The following SPRED2 variants were observed in gnomAD, a reference collection of about 807,000 sequenced individuals.
The protein encoded by SPRED2 is sprouty related EVH1 domain containing 2.
A neutral mutation model predicts 43.0 loss-of-function variants in SPRED2; 47 were observed. The ratio of observed to expected loss-of-function variants is 1.09; its 90% CI spans 0.87 to 1.40. The LOEUF is 1.40. Among genes scored for constraint, SPRED2 ranks in the 40% most tolerant of loss-of-function variants. The pLI, the probability that SPRED2 is intolerant of heterozygous loss-of-function variation, is 0.00. For missense variants in SPRED2, 561 were observed against 586.4 expected, an observed-to-expected ratio of 0.96 and a Z score of 0.45; for synonymous variants, 225 against 225.7, an observed-to-expected ratio of 1.00 and a Z score of 0.03.
intron 1 of SPRED2, among the ~76,000 whole-genome samples, chr2:65,394,562 T>C (rs1408677119): frequency 2.0e-5 from 3 of 152,232 alleles, no homozygotes; most frequent in African/African-American, 7.2e-5. Context: ...ATCGGACCAC[T>C]GGAACTTAGA....
At chr2:65,374,356 C>G (rs1675191001) in intron 1 of SPRED2, among the ~76,000 whole-genome samples, 1 of 152,196 alleles carries the variant, frequency 6.6e-6, no homozygotes, top group Admixed American at 6.5e-5. Flanking sequence ...AGCTGTTGAT[C>G]AAGTTCCTTG....
chr2:65,415,046 C>T (rs886664553), intron 1 of SPRED2, among the ~76,000 whole-genome samples: 23 of 152,222 alleles, frequency 1.5e-4, no homozygotes, highest in African/African-American at 5.5e-4. Context: ...CTTAGCTTCC[C>T]AAACTATTGG....
At chr2:65,418,914 T>A (rs1676353715) in intron 1 of SPRED2, among the ~76,000 whole-genome samples, 1 of 152,124 alleles carries the variant, frequency 6.6e-6, no homozygotes, top group South Asian at 2.1e-4. Context: ...TAAGTAAGAA[T>A]AAAAGTCTTT....
In SPRED2 at chr2:65,380,634, A is replaced by T. The variant is rs77812497; in HGVS notation, c.27-35738T>A. 77 of 152,342 alleles carry T rather than the reference A, an allele frequency of 5.1e-4. 1 individual carries two copies. In the East Asian group the frequency reaches 0.013, roughly 26 times the overall value. The allele number at this position is 152,342 out of a possible 1,614,324, so 9.4% of individuals were successfully genotyped here. On this transcript the variant is annotated intron_variant, in intron 1 of 5. Coordinates refer to ENST00000356388, the MANE Select transcript of SPRED2 (RefSeq NM_181784.3). ...ACAAGATAAATACTTACTAGTGCCA[A>T]GTATGGCCCCCACTTTCTCTCTTTT...
chr2:65,388,661 G>C (rs1481277438), intron 1 of SPRED2, among the ~76,000 whole-genome samples: 1 of 151,988 alleles, frequency 6.6e-6, no homozygotes, highest in Admixed American at 6.5e-5. Flanking sequence ...GGCAGACAAA[G>C]GACCAAAAGC....
chr2:65,390,543 C>A (rs1181726095), intron 1 of SPRED2, among the ~76,000 whole-genome samples: 2 of 152,176 alleles, frequency 1.3e-5, no homozygotes, highest in African/African-American at 4.8e-5. Flanking sequence ...TGGATCCGAA[C>A]TGCCTGAGTT....
At chr2:65,398,752 A>G (rs1378510658) in intron 1 of SPRED2, among the ~76,000 whole-genome samples, 1 of 152,200 alleles carries the variant, frequency 6.6e-6, no homozygotes, top group African/African-American at 2.4e-5. Flanking sequence ...AAAAGGGAAC[A>G]CTTTTACACT....
chr2:65,412,545 C>T (rs1676186750), intron 1 of SPRED2, among the ~76,000 whole-genome samples: 1 of 152,220 alleles, frequency 6.6e-6, no homozygotes, highest in African/African-American at 2.4e-5. Context: ...AGGTAGATTT[C>T]TGGCAACAGG....
intron 4 of SPRED2, among the ~76,000 whole-genome samples, chr2:65,329,393 G>C (rs886580469): frequency 6.6e-6 from 1 of 152,196 alleles, no homozygotes; most frequent in Non-Finnish European, 1.5e-5. Flanking sequence ...GGGAAAGGAG[G>C]TACTATTGTT....
At position 65,401,937 on chromosome 2, in the gene SPRED2, G is replaced by GTGCGCGCGCGCA. The variant is rs1553426614; in HGVS notation, c.26+30024_26+30025insTGCGCGCGCGCA. 1.2e-3 allele frequency among the ~76,000 whole-genome samples: 133 copies of GTGCGCGCGCGCA among 114,754 alleles called. 1 individual carries two copies. Among genetic ancestry groups the GTGCGCGCGCGCA allele is most frequent in the African/African-American group, 4.3e-3 (126 of 29,626 alleles). The allele number at this position is 114,754 out of a possible 152,430, so 75.3% of individuals were successfully genotyped here. ...ACGATCAGAATATTAGCGCGCGCGCGCACACACACACACACACACACACAC... is the reference window on the plus strand; with the variant it reads ...ACGATCAGAATATTAGCGCGCGCGCGTGCGCGCGCGCACACACACACACACACACACACACAC... On this transcript the variant is annotated intron_variant, in intron 1 of 5. Transcript: ENST00000356388.
intron 1 of SPRED2, among the ~76,000 whole-genome samples, chr2:65,364,751 A>G (rs1263518247): frequency 2.6e-5 from 4 of 152,142 alleles, no homozygotes; most frequent in African/African-American, 4.8e-5. Context: ...GACTATAATC[A>G]TTTACCATAG....
In SPRED2 at chr2:65,344,801, AC is replaced by A; in HGVS notation, c.121del (p.Val41SerfsTer35). On this transcript the variant is annotated frameshift_variant, in exon 2 of 6. Coordinates refer to ENST00000356388, the MANE Select transcript of SPRED2 (RefSeq NM_181784.3). LOFTEE classifies it high-confidence loss of function. ...FPQEGGGISR[V>X]GVCKVMHPEG... is the part of the protein sequence containing the mutation. ...GGGGTGCATGACCTTACAGACCCCG[AC>A]GCGACTGATCCCGCCTCCTTCCTGT... is the stretch of plus-strand genomic sequence containing the variant. 6.2e-7 allele frequency: 1 copy of A among 1,614,100 alleles called. No homozygotes were observed. Among genetic ancestry groups the A allele is most frequent in the Non-Finnish European group, 8.5e-7 (1 of 1,180,010 alleles).
chr2:65,394,921 T>C (rs909181175), intron 1 of SPRED2, among the ~76,000 whole-genome samples: 1 of 152,194 alleles, frequency 6.6e-6, no homozygotes, highest in African/African-American at 2.4e-5. Flanking sequence ...TGTATGCTAA[T>C]TGTAGTGATT....
At chr2:65,391,070 A>G (rs1675624173) in intron 1 of SPRED2, among the ~76,000 whole-genome samples, 1 of 139,798 alleles carries the variant, frequency 7.2e-6, no homozygotes, top group African/African-American at 2.6e-5. Context: ...CCTGGGTGAC[A>G]GAGCGAGACT....
At chr2:65,314,491 G>C (rs1243674682) in intron 5 of SPRED2, among the ~76,000 whole-genome samples, 8 of 152,204 alleles carry the variant, frequency 5.3e-5, no homozygotes, top group Non-Finnish European at 8.8e-5. Flanking sequence ...GGCACAGTGT[G>C]ATGCGTTCTC....
intron 4 of SPRED2, among the ~76,000 whole-genome samples, chr2:65,330,181 T>C (rs991819357): frequency 1.3e-5 from 2 of 152,214 alleles, no homozygotes; most frequent in African/African-American, 4.8e-5. Flanking sequence ...TCTTGTGATC[T>C]CTTTGAGGGT....
chr2:65,401,820 A>T (rs1004271047), intron 1 of SPRED2, among the ~76,000 whole-genome samples: 1 of 151,696 alleles, frequency 6.6e-6, no homozygotes, highest in African/African-American at 2.4e-5. Flanking sequence ...TAAATAAATA[A>T]ATAAAAAAGG....
intron 1 of SPRED2, among the ~76,000 whole-genome samples, chr2:65,414,822 G>C (rs920927398): frequency 6.6e-6 from 1 of 152,204 alleles, no homozygotes; most frequent in Non-Finnish European, 1.5e-5. Context: ...CAGAGTTGCA[G>C]AGGGGACTAG....
intron 1 of SPRED2, among the ~76,000 whole-genome samples, chr2:65,409,709 A>G: frequency 6.6e-6 from 1 of 151,340 alleles, no homozygotes; most frequent in African/African-American, 2.4e-5. Flanking sequence ...AAAAAAAAAA[A>G]AAAAGAATTT....
Sources: gnomAD v4.1 joint callset for allele counts (sites outside exome capture counted in the v4.1 genomes callset) on GRCh38, gnomAD v4.1.1 for gene constraint, MANE v1.5 for transcripts, NCBI Gene and HGNC (gene_info 2026-07-23, HGNC 2026-07-21) for gene names.